HFM1: variants seen among roughly 807,000 people sequenced by gnomAD.
HFM1 encodes helicase for meiosis 1, also known as probable ATP-dependent DNA helicase HFM1.
In HFM1, 169 loss-of-function variants were observed where a neutral mutation model predicts 192.1. The observed-to-expected ratio is 0.88, with a 90% CI of 0.78 to 1.00. The LOEUF (loss-of-function observed/expected upper bound fraction) is 1.00, where lower values mean the gene tolerates loss of function less well. Among genes scored for constraint, HFM1 ranks in the 50% least tolerant of loss-of-function variants. The pLI is 0.00. For synonymous variants in HFM1, 525 were observed against 537.8 expected (o/e 0.98, Z 0.33); for missense variants, 1,661 against 1,668.0 (o/e 1.00, Z 0.07).
chr1:91,324,635 A>T (rs1304623660), intron 21 of HFM1, 40 bp downstream of exon 21: 4 of 887,344 alleles, frequency 4.5e-6, no homozygotes. Context: ...ATTTTATACT[A>T]TACCACTATG....
Position 91,266,024 on chromosome 1 carries a change from A to C in HFM1, c.3967T>G (p.Ser1323Ala). 6.3e-7 allele frequency: 1 copy of C among 1,588,336 alleles called. No individual in the cohort carries two copies. The highest frequency in any genetic ancestry group is 8.5e-7 in the Non-Finnish European group (1 of 1,172,564). The change falls in exon 36 of 39, where the codon TCA becomes GCA. Residue 1323 changes from serine (S) to alanine (A), a missense_variant. Transcript: ENST00000370425. ...CTAAGTTCTAAAACTTGCCTGTTTG[A>C]CATTTCTCTTTGGAATTTGCTCTTT... ...ESKSKFQREMSNSFVSSHEMS... is the reference protein window; with the variant it reads ...ESKSKFQREMANSFVSSHEMS...
chr1:91,318,664 T>C (rs564711504), intron 25 of HFM1, among the ~76,000 whole-genome samples: 1 of 152,174 alleles, frequency 6.6e-6, no homozygotes, highest in South Asian at 2.1e-4. Flanking sequence ...AATTAAGACA[T>C]AAAGAGGTGA....
chr1:91,264,620 G>A (rs572922499), intron 36 of HFM1, among the ~76,000 whole-genome samples: 136 of 151,364 alleles, frequency 9.0e-4, no homozygotes, highest in African/African-American at 3.3e-3. Context: ...TGATCCGCCC[G>A]CCTCGGCCTC....
intron 18 of HFM1, 104 bp downstream of exon 18, chr1:91,350,634 T>A (rs1200606031): frequency 2.1e-5 from 21 of 1,011,918 alleles, no homozygotes; most frequent in Non-Finnish European, 2.9e-5. Context: ...TTTGTTTTGT[T>A]ACCTATTAGT....
intron 30 of HFM1, among the ~76,000 whole-genome samples, chr1:91,290,439 C>CA (rs967173616): frequency 6.6e-6 from 1 of 152,082 alleles, no homozygotes; most frequent in Non-Finnish European, 1.5e-5. Context: ...CAACAAAGAT[C>CA]AAAAGAGACA....
chr1:91,277,037 C>T lies in HFM1; in HGVS notation c.3417G>A (p.Gly1139=). 2 of 1,595,650 alleles carry T rather than the reference C, an allele frequency of 1.3e-6. No homozygotes were observed. The highest frequency in any genetic ancestry group is 2.3e-5 in the East Asian group (1 of 44,064). ...TACAAAGATGATTGCATTCTCGGTT[C>T]CCAGGTTTTTTGCTGGCAGTCGTTC... is the stretch of plus-strand genomic sequence containing the variant. The part of the protein sequence containing the change: ...NKGTTASKKP[G]NRECNHLCKS... The change falls in exon 31 of 39, where the codon GGG becomes GGA. Residue 1139 remains glycine (G), a synonymous_variant. Transcript: ENST00000370425.
intron 13 of HFM1, among the ~76,000 whole-genome samples, chr1:91,357,619 G>GA (rs1419983090): frequency 6.6e-6 from 1 of 151,354 alleles, no homozygotes; most frequent in Non-Finnish European, 1.5e-5. Flanking sequence ...AATCAGATAA[G>GA]AAAAAAATAA....
intron 36 of HFM1, among the ~76,000 whole-genome samples, chr1:91,264,359 G>GTTTTT (rs1466938761): frequency 1.7e-4 from 9 of 54,042 alleles, no homozygotes; most frequent in South Asian, 6.7e-4. Flanking sequence ...CACAAATTTA[G>GTTTTT]TATTTTTTTT....
intron 13 of HFM1, among the ~76,000 whole-genome samples, chr1:91,368,945 A>C (rs1249203032): frequency 2.6e-5 from 4 of 152,218 alleles, no homozygotes; most frequent in Admixed American, 1.3e-4. Flanking sequence ...CAGGGGTTGC[A>C]ATCCTAGTCT....
intron 30 of HFM1, among the ~76,000 whole-genome samples, chr1:91,287,318 AG>A (rs1668112759): frequency 6.6e-6 from 1 of 152,208 alleles, no homozygotes; most frequent in Non-Finnish European, 1.5e-5. Context: ...AGATCTGAGA[AG>A]GGGCAGACTG....
chr1:91,363,890 A>G (rs1380386020), intron 13 of HFM1, among the ~76,000 whole-genome samples: 1 of 152,200 alleles, frequency 6.6e-6, no homozygotes, highest in Non-Finnish European at 1.5e-5. Context: ...TTGCAGAGAC[A>G]TGGATGGAGA....
At position 91,352,634 on chromosome 1, in the gene HFM1, C is replaced by T. The variant is rs1271299010; in HGVS notation, c.1849G>A (p.Ala617Thr). The change falls in exon 16 of 39, where the codon GCT (alanine) becomes ACT (threonine). Residue 617 changes from alanine (A) to threonine (T), a missense_variant. Physicochemically the swap from Ala to Thr is moderately conservative, Grantham distance 58. Transcript: ENST00000370425. ...TGAGCAGGCAAATTTACTCCCATAG[C>T]TAAAGTACTGGTAGTAACTGCATCA... ...LPVLFTTSTL[A>T]MGVNLPAHLV... 6.2e-7 allele frequency: 1 copy of T among 1,606,738 alleles called. No homozygotes were observed. The highest frequency in any genetic ancestry group is 1.7e-5 in the Admixed American group (1 of 59,092).
At position 91,379,064 on chromosome 1, in the gene HFM1, G is replaced by T; in HGVS notation, c.1157C>A (p.Pro386Gln). Residue 386 changes from proline (P) to glutamine (Q), a missense_variant and splice_region_variant, in exon 9 of 39, where the codon CCA becomes CAA. Transcript: ENST00000370425. ...IQHAHIIMTT[P>Q]EKWDSMTRKW... ...TCATAAAGTATAAATAATACCTACTGGAGTTGTCATAATAATATGGGCATG... is the reference window on the plus strand; with the variant it reads ...TCATAAAGTATAAATAATACCTACTTGAGTTGTCATAATAATATGGGCATG... The T allele has an allele frequency of 6.5e-7, 1 of 1,540,756 alleles. No homozygotes were observed. The highest frequency in any genetic ancestry group is 8.8e-7 in the Non-Finnish European group (1 of 1,139,904).
At position 91,319,277 on chromosome 1, in the gene HFM1, T is replaced by A; in HGVS notation, c.2680+16A>T. On this transcript the variant is annotated intron_variant, in intron 24 of 38. Coordinates refer to ENST00000370425, the MANE Select transcript of HFM1 (RefSeq NM_001017975.6). ...ATTGGAAAAAATATTTAAAATCCAC[T>A]AATCCTGTAACATACATCTTGTAAT... is the stretch of plus-strand genomic sequence containing the variant. The A allele has an allele frequency of 6.2e-7, 1 of 1,604,930 alleles. No homozygotes were observed. The highest frequency in any genetic ancestry group is 8.5e-7 in the Non-Finnish European group (1 of 1,171,954).
intron 6 of HFM1, among the ~76,000 whole-genome samples, 198 bp from the exon 7 acceptor site, chr1:91,381,180 T>A: frequency 6.6e-6 from 1 of 152,302 alleles, no homozygotes; most frequent in Admixed American, 6.5e-5. Flanking sequence ...GAAAAGAATT[T>A]GCAAAGTTCT....
chr1:91,369,918 G>A (rs1203308972), intron 13 of HFM1, among the ~76,000 whole-genome samples: 7 of 152,116 alleles, frequency 4.6e-5, no homozygotes, highest in African/African-American at 9.7e-5. Context: ...TATAGCCACC[G>A]ATCCCACAGA....
Position 91,287,587 on chromosome 1 carries a change from A to G in HFM1, c.3392-10525T>C, listed in dbSNP as rs1297237606. The stretch of plus-strand genomic sequence containing the variant: ...GGAAAAAACAGAGCAGAAAAACTGG[A>G]AACTAAAAAGCAGAGCACCTCTCCT... On this transcript the variant is annotated intron_variant, in intron 30 of 38. Transcript: ENST00000370425. 5.9e-5 allele frequency among the ~76,000 whole-genome samples: 9 copies of G among 152,216 alleles called. No homozygotes were observed. The East Asian group carries it at 1.7e-3, about 29-fold the overall frequency.
chr1:91,390,308 C>T (rs911589700), intron 4 of HFM1, among the ~76,000 whole-genome samples: 10 of 151,758 alleles, frequency 6.6e-5, no homozygotes, highest in South Asian at 4.2e-4. Flanking sequence ...TGGTGGCGCA[C>T]GCCTGTAGTT....
chr1:91,274,489 T>C (rs1187533258), intron 33 of HFM1, among the ~76,000 whole-genome samples: 1 of 152,040 alleles, frequency 6.6e-6, no homozygotes, highest in Non-Finnish European at 1.5e-5. Flanking sequence ...TGACAGAGGA[T>C]AGGTAGTTTC....
Sources: gnomAD v4.1 joint callset for allele counts (sites outside exome capture counted in the v4.1 genomes callset) on GRCh38, gnomAD v4.1.1 for gene constraint, MANE v1.5 for transcripts, NCBI Gene and HGNC (gene_info 2026-07-23, HGNC 2026-07-21) for gene names.